Variants in GTSF1 observed in about 807,000 individuals in gnomAD.
GTSF1 encodes the protein gametocyte specific factor 1, also known as gametocyte-specific factor 1.
Under a neutral mutation model 28.9 loss-of-function variants are expected in GTSF1, and 11 were observed. The observed-to-expected ratio is 0.38, with a 90% CI of 0.24 to 0.63. The LOEUF is 0.63. Ranked by LOEUF, GTSF1 falls within the 30% of genes least tolerant of loss-of-function variation. The pLI, the probability that GTSF1 is intolerant of heterozygous loss-of-function variation, is 0.56. For synonymous variants in GTSF1, 69 were observed against 65.6 expected (o/e 1.05, Z -0.25); for missense variants, 146 against 201.0 (o/e 0.73, Z 1.66).
chr12:54,472,294 T>G (rs1257324658), intron 1 of GTSF1: 1 of 152,188 alleles, frequency 6.6e-6, no homozygotes, highest in African/African-American at 2.4e-5. Context: ...ACATTGTCCC[T>G]TTTTCTAGTG....
intron 8 of GTSF1, among the ~76,000 whole-genome samples, chr12:54,457,038 T>C (rs1441651351): frequency 6.6e-6 from 1 of 152,158 alleles, no homozygotes; most frequent in Non-Finnish European, 1.5e-5. Flanking sequence ...TGAGCCGAGA[T>C]TGCGCCACTG....
At position 54,466,204 on chromosome 12, in the gene GTSF1, G is replaced by C. The variant is rs143337959; in HGVS notation, c.17-1037C>G. On this transcript the variant is annotated intron_variant, in intron 2 of 8. Transcript: ENST00000305879. The stretch of plus-strand genomic sequence containing the variant: ...GAAATTAAATGGTTAAGCACATTCT[G>C]GTATATTATGAAGACAAGAGGCAAC... 4.4e-3 allele frequency among the ~76,000 whole-genome samples: 669 copies of C among 152,264 alleles called. 5 individuals are homozygous for C. Among genetic ancestry groups the C allele is most frequent in the African/African-American group, 0.015 (616 of 41,564 alleles).
intron 2 of GTSF1, 32 bp downstream of exon 2, chr12:54,471,201 C>T (rs1041352490): frequency 6.6e-7 from 1 of 1,526,502 alleles, no homozygotes; most frequent in African/African-American, 1.4e-5. Context: ...AATGATTTAA[C>T]TTATTTTCTA....
chr12:54,459,042 T>C (rs1956378016), intron 8 of GTSF1, 47 bp downstream of exon 8: 1 of 1,372,316 alleles, frequency 7.3e-7, no homozygotes, highest in South Asian at 1.3e-5. Flanking sequence ...TCCAGTTAAA[T>C]CTTGCTACCA....
At chr12:54,467,736 T>G (rs1166334701) in intron 2 of GTSF1, among the ~76,000 whole-genome samples, 2 of 152,110 alleles carry the variant, frequency 1.3e-5, no homozygotes, top group Non-Finnish European at 2.9e-5. Context: ...TGTATCAAAT[T>G]TTTGATTTTC....
intron 2 of GTSF1, among the ~76,000 whole-genome samples, chr12:54,468,417 G>C (rs563485332): frequency 6.6e-6 from 1 of 152,110 alleles, no homozygotes; most frequent in Admixed American, 6.5e-5. Context: ...CACCGTGCCC[G>C]GCCAATGTAT....
chr12:54,464,858 ACT>A, intron 3 of GTSF1: 1 of 382,226 alleles, frequency 2.6e-6, no homozygotes, highest in Non-Finnish European at 4.9e-6. Flanking sequence ...GTTCTTTGTC[ACT>A]AGTTAATGGG....
At chr12:54,458,605 C>A (rs1956372632) in intron 8 of GTSF1, among the ~76,000 whole-genome samples, 1 of 152,074 alleles carries the variant, frequency 6.6e-6, no homozygotes, top group Non-Finnish European at 1.5e-5. Flanking sequence ...CTCCTGACCT[C>A]AAATGGTCTG....
chr12:54,464,368 T>G (rs1956475634), intron 3 of GTSF1, among the ~76,000 whole-genome samples: 1 of 152,208 alleles, frequency 6.6e-6, no homozygotes, highest in Non-Finnish European at 1.5e-5. Flanking sequence ...ATACATGATG[T>G]TTCCAGGATT....
At chr12:54,458,650 G>A (rs1322385418) in intron 8 of GTSF1, among the ~76,000 whole-genome samples, 1 of 152,142 alleles carries the variant, frequency 6.6e-6, no homozygotes, top group East Asian at 1.9e-4. Context: ...GATTACAGGC[G>A]TGAGCCACTG....
intron 8 of GTSF1, among the ~76,000 whole-genome samples, chr12:54,457,042 G>A (rs1341729805): frequency 1.3e-5 from 2 of 152,128 alleles, no homozygotes; most frequent in South Asian, 2.1e-4. Flanking sequence ...CCGAGATTGC[G>A]CCACTGCACT....
chr12:54,459,100 G>T lies in GTSF1; in HGVS notation c.*9C>A. ...ACTGAAACACTTACTTGATGAGATAGGTATTCAGTTACTGTGCATTTCCAT... is the reference window on the plus strand; with the variant it reads ...ACTGAAACACTTACTTGATGAGATATGTATTCAGTTACTGTGCATTTCCAT... On this transcript the variant is annotated 3_prime_UTR_variant, in exon 8 of 9. Transcript: ENST00000305879. The T allele has an allele frequency of 6.2e-7, 1 of 1,600,078 alleles. No individual in the cohort carries two copies. The highest frequency in any genetic ancestry group is 8.5e-7 in the Non-Finnish European group (1 of 1,170,452).
intron 3 of GTSF1, 83 bp from the exon 4 acceptor site, chr12:54,463,380 T>C (rs371285895): frequency 2.3e-6 from 3 of 1,327,098 alleles, no homozygotes; most frequent in African/African-American, 2.9e-5. Flanking sequence ...ATTCTACAAA[T>C]GCCTCCCCTA....
In GTSF1 at chr12:54,459,139, T is replaced by C; in HGVS notation, c.488-14A>G. Reference sequence around the variant, plus strand: ...GTGCATTTCCATCTACAAGTAGAAATATTTCAAAATAAATACACCATGTCA... The same window carrying C: ...GTGCATTTCCATCTACAAGTAGAAACATTTCAAAATAAATACACCATGTCA... On this transcript the variant is annotated splice_polypyrimidine_tract_variant and intron_variant, in intron 7 of 8. Coordinates refer to ENST00000305879, the MANE Select transcript of GTSF1 (RefSeq NM_144594.3). 6.2e-7 allele frequency: 1 copy of C among 1,600,072 alleles called. No homozygotes were observed. The highest frequency in any genetic ancestry group is 8.5e-7 in the Non-Finnish European group (1 of 1,169,632).
chr12:54,462,489 C>T (rs751335661), intron 5 of GTSF1, among the ~76,000 whole-genome samples, 153 bp downstream of exon 5: 21 of 152,086 alleles, frequency 1.4e-4, no homozygotes, highest in East Asian at 1.9e-4. Flanking sequence ...GTCTGCACAG[C>T]GATACAAATG....
At chr12:54,459,404 TA>T in intron 7 of GTSF1, 1 of 1,375,186 alleles carries the variant, frequency 7.3e-7, no homozygotes, top group East Asian at 3.9e-5. Context: ...TCTAGCCACC[TA>T]AAAATTAGCT....
chr12:54,470,679 G>A (rs182174981), intron 2 of GTSF1, among the ~76,000 whole-genome samples: 1 of 152,264 alleles, frequency 6.6e-6, no homozygotes, highest in Admixed American at 6.5e-5. Flanking sequence ...AAACAATATA[G>A]AAGACTCTGG....
intron 7 of GTSF1, chr12:54,459,538 A>G: frequency 1.0e-6 from 1 of 961,112 alleles, no homozygotes; most frequent in South Asian, 1.5e-5. Flanking sequence ...TTTCATTATG[A>G]CGGTAATATG....
chr12:54,462,223 G>A (rs1359216702), intron 5 of GTSF1, 51 bp from the exon 6 acceptor site: 3 of 1,284,296 alleles, frequency 2.3e-6, no homozygotes, highest in South Asian at 1.2e-5. Context: ...TAAGACACCA[G>A]CAGTTCATGT....
Sources: gnomAD v4.1 joint callset for allele counts (sites outside exome capture counted in the v4.1 genomes callset) on GRCh38, gnomAD v4.1.1 for gene constraint, MANE v1.5 for transcripts, NCBI Gene and HGNC (gene_info 2026-07-23, HGNC 2026-07-21) for gene names.